Variants in CNTN5 observed in about 807,000 individuals in gnomAD.
The protein encoded by CNTN5 is contactin 5, also known as contactin-5.
CNTN5 carries 77 observed loss-of-function variants against 129.1 expected under a neutral mutation model. The ratio of observed to expected loss-of-function variants is 0.60; its 90% CI spans 0.50 to 0.72. CNTN5 has a LOEUF of 0.72. CNTN5 is among the 30% of genes least tolerant of loss of function. The pLI is 0.00. For missense variants in CNTN5, 1,478 were observed against 1,328.8 expected (o/e 1.11, Z -1.75); for synonymous variants, 509 against 465.6 (o/e 1.09, Z -1.20).
At chr11:99,454,222 C>G (rs868765714) in intron 2 of CNTN5, among the ~76,000 whole-genome samples, 2 of 152,000 alleles carry the variant, frequency 1.3e-5, no homozygotes, top group Non-Finnish European at 2.9e-5. Flanking sequence ...TTGAATATAA[C>G]AAGGGAGAAA....
chr11:99,192,397 A>G (rs1181216226), intron 1 of CNTN5, among the ~76,000 whole-genome samples: 1 of 151,656 alleles, frequency 6.6e-6, no homozygotes, highest in South Asian at 2.1e-4. Flanking sequence ...ACTTTTCTTT[A>G]TTTTTTTCTT....
rs188732224 is a variant in CNTN5, at chr11:99,180,276, G to T, written c.-209-145070G>T. 2.6e-5 allele frequency among the ~76,000 whole-genome samples: 4 copies of T among 152,338 alleles called. No homozygotes were observed. In the East Asian group the frequency reaches 5.8e-4, roughly 22 times the overall value. On this transcript the variant is annotated intron_variant, in intron 1 of 24. Transcript: ENST00000524871. ...GCAATGGGAAAGGGAGAAGGGAAAAGATATTTACACTCACCAGACTATGGA... is the reference window on the plus strand; with the variant it reads ...GCAATGGGAAAGGGAGAAGGGAAAATATATTTACACTCACCAGACTATGGA...
rs371454644 is a variant in CNTN5, at chr11:100,267,280, C to CACACACACACAGAG, written c.2165-3811_2165-3810insCACACACACAGAGA. Among the ~76,000 whole-genome samples the CACACACACACAGAG allele has an allele frequency of 1.0e-3, 151 of 148,580 alleles. 6 individuals are homozygous for CACACACACACAGAG. In the East Asian group the frequency reaches 0.023, roughly 23 times the overall value. ...ACACACACACACACACACACACACA[C>CACACACACACAGAG]AGAGAGAGAGAGAAAGAGAGAGTGA... is the stretch of plus-strand genomic sequence containing the variant. On this transcript the variant is annotated intron_variant, in intron 17 of 24. Transcript: ENST00000524871.
intron 16 of CNTN5, among the ~76,000 whole-genome samples, chr11:100,228,239 C>A (rs569331309): frequency 6.6e-6 from 1 of 152,284 alleles, no homozygotes; most frequent in South Asian, 2.1e-4. Flanking sequence ...TCTCTCGAGT[C>A]CTTCTGAATA....
Position 99,175,288 on chromosome 11 carries a change from G to A in CNTN5, c.-209-150058G>A, listed in dbSNP as rs774691398. Among the ~76,000 whole-genome samples, 3 of 152,230 alleles carry A rather than the reference G, an allele frequency of 2.0e-5. No homozygotes were observed. In the South Asian group the frequency reaches 6.2e-4, roughly 32 times the overall value. ...TAAATAGGGTTTATTACTCATGAAT[G>A]TTCATGGTCTTGTACCAAACTGTCA... On this transcript the variant is annotated intron_variant, in intron 1 of 24. Transcript: ENST00000524871.
At chr11:99,968,034 G>C (rs772497968) in intron 8 of CNTN5, among the ~76,000 whole-genome samples, 1 of 152,124 alleles carries the variant, frequency 6.6e-6, no homozygotes, top group Non-Finnish European at 1.5e-5. Context: ...CCTGTATTAA[G>C]CAAAGATATA....
chr11:99,843,203 G>T (rs1421546352), intron 4 of CNTN5, among the ~76,000 whole-genome samples: 1 of 152,122 alleles, frequency 6.6e-6, no homozygotes, highest in Non-Finnish European at 1.5e-5. Context: ...TAGACAGAGT[G>T]GGAGTGAGAC....
chr11:99,305,575 G>A (rs963148299), intron 1 of CNTN5, among the ~76,000 whole-genome samples: 1 of 152,108 alleles, frequency 6.6e-6, no homozygotes, highest in African/African-American at 2.4e-5. Context: ...ATTTTTCTCT[G>A]TAAAATAAAT....
chr11:100,148,428 C>CTCTT (rs549029705), intron 13 of CNTN5, among the ~76,000 whole-genome samples: 96 of 152,322 alleles, frequency 6.3e-4, no homozygotes, highest in African/African-American at 1.6e-3. Context: ...TAGCCTCTTT[C>CTCTT]TCTTTTCCCT....
chr11:100,308,101 G>A (rs1455382875), intron 20 of CNTN5, among the ~76,000 whole-genome samples: 1 of 151,752 alleles, frequency 6.6e-6, no homozygotes, highest in Non-Finnish European at 1.5e-5. Flanking sequence ...CCCCAGAAAT[G>A]TCTTAGCTAA....
chr11:99,987,677 A>G (rs1278581074), intron 8 of CNTN5, among the ~76,000 whole-genome samples: 2 of 151,994 alleles, frequency 1.3e-5, no homozygotes, highest in African/African-American at 2.4e-5. Context: ...ATTGACTACA[A>G]AATTGGGAAT....
chr11:99,997,128 T>C (rs1335159320), intron 8 of CNTN5, among the ~76,000 whole-genome samples: 1 of 152,210 alleles, frequency 6.6e-6, no homozygotes, highest in African/African-American at 2.4e-5. Flanking sequence ...TCTTCTCTCT[T>C]TTTTTCTTTA....
At chr11:99,354,374 C>T (rs1348139870) in intron 2 of CNTN5, among the ~76,000 whole-genome samples, 2 of 152,066 alleles carry the variant, frequency 1.3e-5, no homozygotes, top group African/African-American at 4.8e-5. Context: ...ATTAAGAGTT[C>T]CCGGGACCTT....
rs530985808 is a variant in CNTN5, at chr11:100,254,417, C to T, written c.2006-1343C>T. 1.5e-4 allele frequency among the ~76,000 whole-genome samples: 23 copies of T among 152,106 alleles called. 1 individual carries two copies. The South Asian group carries it at 4.8e-3, about 32-fold the overall frequency. ...CATCTCGAAAACTTTAATTATTTTG[C>T]TTCCTTCATTTATCTTAGAGGAAAA... is the stretch of plus-strand genomic sequence containing the variant. On this transcript the variant is annotated intron_variant, in intron 16 of 24. Transcript: ENST00000524871.
At chr11:99,819,807 G>T in intron 4 of CNTN5, 42 bp downstream of exon 4, 1 of 667,862 alleles carries the variant, frequency 1.5e-6, no homozygotes, top group Non-Finnish European at 1.8e-6. Flanking sequence ...AATAAAGGAG[G>T]CAAAGAAGAC....
chr11:99,736,075 A>G (rs1311806832), intron 3 of CNTN5, among the ~76,000 whole-genome samples: 2 of 146,132 alleles, frequency 1.4e-5, no homozygotes, highest in African/African-American at 5.1e-5. Context: ...TTTCTTTTTC[A>G]TATTTAAGTG....
chr11:99,349,663 A>G (rs1241158552), intron 2 of CNTN5, among the ~76,000 whole-genome samples: 1 of 152,152 alleles, frequency 6.6e-6, no homozygotes, highest in Non-Finnish European at 1.5e-5. Context: ...TAGAAGGGAG[A>G]AGTTTGCTTC....
intron 1 of CNTN5, among the ~76,000 whole-genome samples, chr11:99,194,707 G>A (rs912384880): frequency 2.0e-5 from 3 of 152,112 alleles, no homozygotes; most frequent in African/African-American, 7.2e-5. Flanking sequence ...CTGGGTTCAA[G>A]CAGTTCTCCT....
At chr11:99,285,019 AT>A (rs1480754244) in intron 1 of CNTN5, among the ~76,000 whole-genome samples, 5 of 151,966 alleles carry the variant, frequency 3.3e-5, no homozygotes, top group Non-Finnish European at 7.4e-5. Flanking sequence ...TATTTTTAAA[AT>A]TTTTTATAAA....
Sources: gnomAD v4.1 joint callset for allele counts (sites outside exome capture counted in the v4.1 genomes callset) on GRCh38, gnomAD v4.1.1 for gene constraint, MANE v1.5 for transcripts, NCBI Gene and HGNC (gene_info 2026-07-23, HGNC 2026-07-21) for gene names.